The following DNAH7 variants were observed in gnomAD, a reference collection of about 807,000 sequenced individuals.
DNAH7 encodes the protein dynein axonemal heavy chain 7, also known as axonemal beta dynein heavy chain 7.
DNAH7 carries 397 observed loss-of-function variants against 444.6 expected under a neutral mutation model. That is an observed-to-expected ratio of 0.89 (90% confidence interval 0.82 to 0.97). DNAH7 has a LOEUF of 0.97. Ranked by LOEUF, DNAH7 falls within the 50% of genes least tolerant of loss-of-function variation. The pLI is 0.00. For missense variants in DNAH7, 4,902 were observed against 4,800.8 expected, an observed-to-expected ratio of 1.02 and a Z score of -0.62; for synonymous variants, 1,636 against 1,624.4, an observed-to-expected ratio of 1.01 and a Z score of -0.17.
In DNAH7 at chr2:195,809,797, T is replaced by A. The variant is rs1340270103; in HGVS notation, c.9836A>T (p.Lys3279Met). Residue 3279 changes from lysine (K) to methionine (M), a missense_variant, in exon 52 of 65, where the codon AAG becomes ATG. By Grantham distance (95) the Lys-to-Met change is moderately conservative (BLOSUM62 -1). Transcript: ENST00000312428. Reference sequence around the variant, plus strand: ...GGTTAGACAAAAGGAAAAGAGCAGCTTATCCTTTTCAAAGAGTGACCGGCA... The same window carrying A: ...GGTTAGACAAAAGGAAAAGAGCAGCATATCCTTTTCAAAGAGTGACCGGCA... ...NVCRSLFEKD[K>M]LLFSFCLTIN... 1.2e-6 allele frequency: 2 copies of A among 1,601,512 alleles called. No homozygotes were observed. Among genetic ancestry groups the A allele is most frequent in the East Asian group, 2.3e-5 (1 of 44,122 alleles).
chr2:195,754,364 T>C lies in DNAH7; in HGVS notation c.11737A>G (p.Lys3913Glu). 6.2e-7 allele frequency: 1 copy of C among 1,614,076 alleles called. No individual in the cohort carries two copies. The highest frequency in any genetic ancestry group is 8.5e-7 in the Non-Finnish European group (1 of 1,179,940). The change falls in exon 63 of 65, where the codon AAA (lysine) becomes GAA (glutamate). Residue 3913 changes from lysine (K) to glutamate (E), a missense_variant. Physicochemically the swap from Lys to Glu is moderately conservative, Grantham distance 56. Coordinates refer to ENST00000312428, the MANE Select transcript of DNAH7 (RefSeq NM_018897.3). Reference sequence around the variant, plus strand: ...TCCTCAGGAGGATGCTTGTATTCTTTGTCTTCCATCACTTCATAGTCAAAC... The same window carrying C: ...TCCTCAGGAGGATGCTTGTATTCTTCGTCTTCCATCACTTCATAGTCAAAC... The part of the protein sequence containing the change: ...LGFDYEVMED[K>E]EYKHPPEDGV...
intron 15 of DNAH7, among the ~76,000 whole-genome samples, chr2:195,980,732 C>T (rs1378033758): frequency 1.3e-5 from 2 of 151,662 alleles, no homozygotes; most frequent in Non-Finnish European, 2.9e-5. Flanking sequence ...TACACTGTAT[C>T]AACAGAATGA....
intron 19 of DNAH7, among the ~76,000 whole-genome samples, chr2:195,955,408 T>C (rs1690579246): frequency 1.3e-5 from 2 of 152,208 alleles, no homozygotes; most frequent in Non-Finnish European, 2.9e-5. Flanking sequence ...ACCAGTACCA[T>C]GCTGTTTTGG....
At chr2:195,766,030 T>C (rs1237990765) in intron 61 of DNAH7, among the ~76,000 whole-genome samples, 1 of 152,058 alleles carries the variant, frequency 6.6e-6, no homozygotes, top group Non-Finnish European at 1.5e-5. Context: ...CACAACAGTG[T>C]ATTATTCAGT....
intron 5 of DNAH7, among the ~76,000 whole-genome samples, chr2:196,032,260 A>G (rs958402727): frequency 2.0e-5 from 3 of 152,220 alleles, no homozygotes; most frequent in African/African-American, 2.4e-5. Context: ...ATGTCCCACC[A>G]GGTCTCTCCC....
chr2:196,047,611 T>C (rs1410101696), intron 4 of DNAH7, 112 bp from the exon 5 acceptor site: 1 of 931,304 alleles, frequency 1.1e-6, no homozygotes, highest in Admixed American at 3.5e-5. Context: ...AATTACATTA[T>C]CAAGTAATCC....
At position 196,019,689 on chromosome 2, in the gene DNAH7, CTCTTT is replaced by C. The variant is rs1351979625; in HGVS notation, c.744-399_744-395del. On this transcript the variant is annotated intron_variant, in intron 8 of 64. Coordinates refer to ENST00000312428, the MANE Select transcript of DNAH7 (RefSeq NM_018897.3). ...AATTTTCCCTTTATTTTTAAAATTC[CTCTTT>C]TATTTTTATTTTTAAAACATTTTAA... 4.6e-5 allele frequency among the ~76,000 whole-genome samples: 7 copies of C among 152,110 alleles called. No homozygotes were observed. The South Asian group carries it at 1.0e-3, about 23-fold the overall frequency.
intron 54 of DNAH7, among the ~76,000 whole-genome samples, chr2:195,806,011 T>C (rs567964129): frequency 1.0e-3 from 152 of 152,294 alleles, no homozygotes; most frequent in African/African-American, 3.6e-3. Context: ...TGAAACTGAA[T>C]ATAAGTTTTG....
intron 44 of DNAH7, among the ~76,000 whole-genome samples, chr2:195,857,057 G>T (rs1699754652): frequency 6.6e-6 from 1 of 151,674 alleles, no homozygotes. Flanking sequence ...CATTTTTATT[G>T]CTTTTTAAGA....
chr2:195,910,303 CTT>C, intron 24 of DNAH7, 108 bp from the exon 25 acceptor site: 1 of 871,716 alleles, frequency 1.1e-6, no homozygotes, highest in Non-Finnish European at 1.7e-6. Flanking sequence ...CCAGCTTCCT[CTT>C]TGATAATTTC....
chr2:195,769,541 T>A (rs1034202646), intron 61 of DNAH7, among the ~76,000 whole-genome samples: 1 of 152,150 alleles, frequency 6.6e-6, no homozygotes, highest in Non-Finnish European at 1.5e-5. Context: ...TGCCTTTCCC[T>A]GAGGGATCGT....
At chr2:195,812,219 T>G (rs890570118) in intron 51 of DNAH7, among the ~76,000 whole-genome samples, 106 of 152,150 alleles carry the variant, frequency 7.0e-4, no homozygotes, top group African/African-American at 2.4e-3. Flanking sequence ...AAACTATCCT[T>G]GAAAAGCCCT....
chr2:195,929,414 A>C (rs1688546233), intron 21 of DNAH7, among the ~76,000 whole-genome samples: 1 of 152,232 alleles, frequency 6.6e-6, no homozygotes, highest in East Asian at 1.9e-4. Context: ...TGAACAGCCA[A>C]AGAAATTCTA....
chr2:195,817,992 A>T (rs1697302450), intron 49 of DNAH7, among the ~76,000 whole-genome samples, 163 bp from the exon 50 acceptor site: 1 of 152,220 alleles, frequency 6.6e-6, no homozygotes, highest in South Asian at 2.1e-4. Flanking sequence ...ATAGGCAAAT[A>T]TGATTGTTGG....
intron 2 of DNAH7, among the ~76,000 whole-genome samples, chr2:196,057,533 T>C (rs948893588): frequency 4.6e-5 from 7 of 152,196 alleles, no homozygotes; most frequent in African/African-American, 1.4e-4. Flanking sequence ...ATCTTGGTAT[T>C]ATTAATATGA....
Position 195,868,935 on chromosome 2 carries a change from T to C in DNAH7, c.6633+3315A>G, listed in dbSNP as rs116736000. ...GACATGTAAAGTAGTCTCTAACATA[T>C]ATTAAACCCTGAAGAAATATTTTCT... On this transcript the variant is annotated intron_variant, in intron 40 of 64. Coordinates refer to ENST00000312428, the MANE Select transcript of DNAH7 (RefSeq NM_018897.3). 1.4e-3 allele frequency among the ~76,000 whole-genome samples: 217 copies of C among 150,994 alleles called. 1 individual carries two copies. The highest frequency in any genetic ancestry group is 4.8e-3 in the African/African-American group (198 of 41,036).
chr2:195,856,360 TA>T (rs1371355203), intron 44 of DNAH7, among the ~76,000 whole-genome samples: 3 of 152,130 alleles, frequency 2.0e-5, no homozygotes, highest in African/African-American at 7.2e-5. Flanking sequence ...TCATTTTACT[TA>T]AAAAAATCCT....
At chr2:195,856,893 G>T (rs1248656036) in intron 44 of DNAH7, among the ~76,000 whole-genome samples, 1 of 151,828 alleles carries the variant, frequency 6.6e-6, no homozygotes, top group Non-Finnish European at 1.5e-5. Context: ...AGCAGATTTT[G>T]GTGTCTGGCT....
intron 47 of DNAH7, among the ~76,000 whole-genome samples, chr2:195,835,603 T>C (rs1463168972): frequency 6.6e-6 from 1 of 152,128 alleles, no homozygotes; most frequent in Non-Finnish European, 1.5e-5. Flanking sequence ...CCCAGCACTT[T>C]CGGAGGCCGA....
Sources: allele counts gnomAD v4.1 joint callset (sites outside exome capture counted in the v4.1 genomes callset), GRCh38; gene constraint gnomAD v4.1.1; transcripts MANE v1.5; gene names NCBI Gene and HGNC (gene_info 2026-07-23, HGNC 2026-07-21).